Variants in ALDH8A1 observed in about 807,000 individuals in gnomAD.
ALDH8A1 encodes 2-aminomuconic semialdehyde dehydrogenase.
A neutral mutation model predicts 43.3 loss-of-function variants in ALDH8A1; 39 were observed. The ratio of observed to expected loss-of-function variants is 0.90; its 90% CI spans 0.70 to 1.18. The LOEUF (loss-of-function observed/expected upper bound fraction) is 1.18, where lower values mean the gene tolerates loss of function less well. Among genes scored for constraint, ALDH8A1 ranks in the 50% most tolerant of loss-of-function variants. The pLI, the probability that ALDH8A1 is intolerant of heterozygous loss-of-function variation, is 0.00. For missense variants in ALDH8A1, 605 were observed against 622.6 expected, an observed-to-expected ratio of 0.97 and a Z score of 0.30; for synonymous variants, 233 against 243.5, an observed-to-expected ratio of 0.96 and a Z score of 0.40.
intron 1 of ALDH8A1, among the ~76,000 whole-genome samples, chr6:134,947,876 A>G (rs1459048340): frequency 6.6e-6 from 1 of 152,024 alleles, no homozygotes; most frequent in Non-Finnish European, 1.5e-5. Flanking sequence ...GAACAACAGT[A>G]TGATCCAGCA....
intron 4 of ALDH8A1, 122 bp downstream of exon 4, chr6:134,939,144 G>A (rs1047419901): frequency 7.0e-6 from 10 of 1,434,872 alleles, no homozygotes; most frequent in Non-Finnish European, 9.5e-6. Flanking sequence ...TCCCAGACAA[G>A]GATCAGAAAG....
intron 6 of ALDH8A1, among the ~76,000 whole-genome samples, chr6:134,919,648 G>A (rs574849140): frequency 6.6e-6 from 1 of 152,104 alleles, no homozygotes; most frequent in African/African-American, 2.4e-5. Flanking sequence ...GGTATTATAA[G>A]CAAAAGAGAA....
intron 1 of ALDH8A1, among the ~76,000 whole-genome samples, chr6:134,948,393 A>G (rs1364889836): frequency 1.3e-5 from 2 of 152,246 alleles, no homozygotes; most frequent in African/African-American, 4.8e-5. Context: ...TGTTCCCAAC[A>G]CCAAGAAATG....
At chr6:134,947,989 T>G (rs916703383) in intron 1 of ALDH8A1, among the ~76,000 whole-genome samples, 2 of 152,186 alleles carry the variant, frequency 1.3e-5, no homozygotes, top group African/African-American at 2.4e-5. Flanking sequence ...AGTCAAGATA[T>G]GGACTCAACC....
rs150841781 is a variant in ALDH8A1 at position 134,928,347 on chromosome 6, C to T, written c.1011+707G>A. On this transcript the variant is annotated intron_variant, in intron 6 of 6. Coordinates refer to ENST00000265605, the MANE Select transcript of ALDH8A1 (RefSeq NM_022568.4). Reference sequence around the variant, plus strand: ...TAAATATAGACAAAGTGGGAGTGCACTGTGCAGTGTCACGGATTTCTACAA... The same window carrying T: ...TAAATATAGACAAAGTGGGAGTGCATTGTGCAGTGTCACGGATTTCTACAA... Among the ~76,000 whole-genome samples the T allele has an allele frequency of 6.7e-3, 1,013 of 152,324 alleles. 11 individuals carry two copies. The highest frequency in any genetic ancestry group is 7.1e-3 in the Non-Finnish European group (480 of 68,024).
At chr6:134,933,104 C>T in intron 4 of ALDH8A1, 72 bp from the exon 5 acceptor site, 1 of 1,450,802 alleles carries the variant, frequency 6.9e-7, no homozygotes, top group South Asian at 1.5e-5. Flanking sequence ...GGAAATTCTC[C>T]TTTAAAGTCC....
chr6:134,920,756 A>C (rs1310428367), intron 6 of ALDH8A1, among the ~76,000 whole-genome samples: 1 of 152,210 alleles, frequency 6.6e-6, no homozygotes, highest in African/African-American at 2.4e-5. Flanking sequence ...GGGGAGAAAA[A>C]AAACCATGAC....
intron 3 of ALDH8A1, 28 bp downstream of exon 3, chr6:134,942,381 A>C: frequency 6.4e-7 from 1 of 1,560,420 alleles, no homozygotes. Context: ...CATAACCGGG[A>C]GGTGGGCTCT....
In ALDH8A1 at chr6:134,934,560, G is replaced by A. The variant is rs187383980; in HGVS notation, c.593-1528C>T. On this transcript the variant is annotated intron_variant, in intron 4 of 6. Transcript: ENST00000265605. ...TCTGCTTCACCTTTTGACATCAGAG[G>A]GCCAAAAACTCAACCCTCGGAACAT... 4.3e-4 allele frequency among the ~76,000 whole-genome samples: 65 copies of A among 152,132 alleles called. No individual in the cohort carries two copies. The East Asian group carries it at 0.012, about 29-fold the overall frequency.
chr6:134,944,231 C>A (rs184994279), intron 1 of ALDH8A1: 36 of 341,354 alleles, frequency 1.1e-4, no homozygotes, highest in Non-Finnish European at 1.6e-4. Flanking sequence ...CCATGCCCAG[C>A]TAATTTTTGT....
rs185356179 is a variant in ALDH8A1, at chr6:134,943,148, C to A, written c.287-584G>T. On this transcript the variant is annotated intron_variant, in intron 2 of 6. Coordinates refer to ENST00000265605, the MANE Select transcript of ALDH8A1 (RefSeq NM_022568.4). The stretch of plus-strand genomic sequence containing the variant: ...AGCTTACCTAGACTGCTACTGAGTT[C>A]TCTTTAGCGATGCAGGGAGCCTGGC... Among the ~76,000 whole-genome samples, 591 of 152,330 alleles carry A rather than the reference C, an allele frequency of 3.9e-3. 3 individuals carry two copies. The highest frequency in any genetic ancestry group is 0.013 in the African/African-American group (531 of 41,574).
rs1255064464 is a variant in ALDH8A1, at chr6:134,917,957, T to C, written c.*458A>G. 2 of 162,338 alleles carry C rather than the reference T, an allele frequency of 1.2e-5. No homozygotes were observed. The highest frequency in any genetic ancestry group is 2.7e-5 in the Non-Finnish European group (2 of 74,538). The allele number at this position is 162,338 out of a possible 1,614,324, so 10.1% of individuals were successfully genotyped here. A position where few individuals can be genotyped will look rare whatever the true frequency, so the allele number is the denominator to read the frequency against. ...TTTAAACTTTTGGTAAAGACAGGAT[T>C]TCACCATGTTGCCTAGGCTGATCTC... On this transcript the variant is annotated 3_prime_UTR_variant, in exon 7 of 7. Coordinates refer to ENST00000265605, the MANE Select transcript of ALDH8A1 (RefSeq NM_022568.4).
chr6:134,938,625 T>TATA (rs1190908841), intron 4 of ALDH8A1, among the ~76,000 whole-genome samples: 3 of 141,484 alleles, frequency 2.1e-5, no homozygotes, highest in African/African-American at 9.4e-5. Context: ...GATTTTATTT[T>TATA]ATTATTATTA....
intron 3 of ALDH8A1, among the ~76,000 whole-genome samples, chr6:134,940,613 T>C (rs531725041): frequency 6.6e-6 from 1 of 152,324 alleles, no homozygotes; most frequent in East Asian, 1.9e-4. Flanking sequence ...CAGATAGATT[T>C]GCTGGATGAG....
chr6:134,941,928 A>T (rs2114705368), intron 3 of ALDH8A1, among the ~76,000 whole-genome samples: 1 of 151,844 alleles, frequency 6.6e-6, no homozygotes, highest in East Asian at 2.0e-4. Flanking sequence ...CAGATAAGTC[A>T]TGAACATGAG....
rs191314748 is a variant in ALDH8A1 at position 134,918,955 on chromosome 6, G to A, written c.1012-88C>T. On this transcript the variant is annotated intron_variant, in intron 6 of 6. Transcript: ENST00000265605. The stretch of plus-strand genomic sequence containing the variant: ...AAATTCAATGTTTTCTAATCATCTC[G>A]GAAGGAGGGATAAGGTCATTCCTAA... 3,380 of 1,393,488 alleles carry A rather than the reference G, an allele frequency of 2.4e-3. 14 individuals carry two copies. Among genetic ancestry groups the A allele is most frequent in the South Asian group, 2.9e-3 (216 of 75,246 alleles). The allele number at this position is 1,393,488 out of a possible 1,614,324, so 86.3% of individuals were successfully genotyped here.
At chr6:134,944,060 TTTTTGTTTTG>T (rs4646872) in intron 1 of ALDH8A1, 94 bp from the exon 2 acceptor site, 1 of 1,297,264 alleles carries the variant, frequency 7.7e-7, no homozygotes, top group Non-Finnish European at 1.0e-6. Flanking sequence ...ACACACCTCA[TTTTTGTTTTG>T]TTTTGTTTTG....
At chr6:134,946,003 G>A (rs1015706723) in intron 1 of ALDH8A1, among the ~76,000 whole-genome samples, 4 of 152,136 alleles carry the variant, frequency 2.6e-5, no homozygotes, top group Admixed American at 6.5e-5. Flanking sequence ...CTCGCCTGCC[G>A]CCAGACATGC....
In ALDH8A1 at chr6:134,950,026, G is replaced by A. The variant is rs1447456692; in HGVS notation, c.28C>T (p.Leu10=). 2 of 1,612,472 alleles carry A rather than the reference G, an allele frequency of 1.2e-6. No homozygotes were observed. The highest frequency in any genetic ancestry group is 1.7e-6 in the Non-Finnish European group (2 of 1,179,342). Residue 10 remains leucine, a synonymous_variant, in exon 1 of 7, where the codon CTG becomes TTG. Coordinates refer to ENST00000265605, the MANE Select transcript of ALDH8A1 (RefSeq NM_022568.4). The stretch of plus-strand genomic sequence containing the variant: ...AATTTTCCATCTATGAAGTTTTCCA[G>A]CATCAAAAGTGCGTTTGTTCCAGCC... MAGTNALLM[L]ENFIDGKFLP...
Sources: allele counts gnomAD v4.1 joint callset (sites outside exome capture counted in the v4.1 genomes callset), GRCh38; gene constraint gnomAD v4.1.1; transcripts MANE v1.5; gene names NCBI Gene and HGNC (gene_info 2026-07-23, HGNC 2026-07-21).